Variants in ZNF236 observed in about 807,000 individuals in gnomAD.
ZNF236 encodes the protein regulated by glucose.
ZNF236 carries 50 observed loss-of-function variants against 191.2 expected under a neutral mutation model. That is an observed-to-expected ratio of 0.26 (90% CI 0.21 to 0.33). The LOEUF (loss-of-function observed/expected upper bound fraction) is 0.33. Ranked by LOEUF, ZNF236 falls within the 10% of genes least tolerant of loss-of-function variation. The pLI, the probability that ZNF236 is intolerant of heterozygous loss-of-function variation, is 1.00. For synonymous variants in ZNF236, 907 were observed against 928.8 expected, an observed-to-expected ratio of 0.98 and a Z score of 0.43; for missense variants, 1,754 against 2,374.5, an observed-to-expected ratio of 0.74 and a Z score of 5.43.
In ZNF236 at chr18:76,910,693, C is replaced by T; in HGVS notation, c.2687C>T (p.Pro896Leu). The stretch of plus-strand genomic sequence containing the variant: ...GTGACTGATACGTACCATCAGCAGC[C>T]TCAGTTTCCACCTGTCCAACAGCTA... ...FTVTDTYHQQ[P>L]QFPPVQQLQD... The change falls in exon 16 of 31, where the codon CCT becomes CTT. Residue 896 changes from proline (P) to leucine (L), a missense_variant. Transcript: ENST00000320610. 6.2e-7 allele frequency: 1 copy of T among 1,614,160 alleles called. No individual in the cohort carries two copies. The highest frequency in any genetic ancestry group is 8.5e-7 in the Non-Finnish European group (1 of 1,180,028).
At chr18:76,873,768 A>G (rs184345226) in intron 5 of ZNF236, among the ~76,000 whole-genome samples, 30 of 152,220 alleles carry the variant, frequency 2.0e-4, no homozygotes, top group Admixed American at 1.9e-3. Flanking sequence ...TGACTGGGCC[A>G]CACTCTCGCC....
At chr18:76,945,647 C>T (rs11875125) in intron 26 of ZNF236, among the ~76,000 whole-genome samples, 28,431 of 152,118 alleles carry the variant, frequency 0.19, 4,457 homozygotes, top group African/African-American at 0.42. Flanking sequence ...ATTAGCCACA[C>T]GTGGCGCATG....
At chr18:76,900,620 C>T (rs1177712779) in intron 11 of ZNF236, among the ~76,000 whole-genome samples, 1 of 152,012 alleles carries the variant, frequency 6.6e-6, no homozygotes, top group Non-Finnish European at 1.5e-5. Flanking sequence ...AAGAAGGACT[C>T]GAAACAGATA....
intron 26 of ZNF236, among the ~76,000 whole-genome samples, chr18:76,946,841 G>GT (rs1599418112): frequency 1.3e-5 from 2 of 152,096 alleles, no homozygotes; most frequent in East Asian, 3.9e-4. Flanking sequence ...GCAAATAAGT[G>GT]TTTTTTAAAT....
intron 11 of ZNF236, among the ~76,000 whole-genome samples, chr18:76,903,705 C>A (rs1228603438): frequency 6.6e-6 from 1 of 152,052 alleles, no homozygotes; most frequent in Non-Finnish European, 1.5e-5. Context: ...CAAGCTTGTC[C>A]TGAATTCCTG....
chr18:76,852,604 A>G (rs1975910083), intron 3 of ZNF236, among the ~76,000 whole-genome samples: 1 of 152,058 alleles, frequency 6.6e-6, no homozygotes, highest in African/African-American at 2.4e-5. Context: ...GTTTGAAACC[A>G]GCCTGGACAA....
At position 76,875,721 on chromosome 18, in the gene ZNF236, G is replaced by A. The variant is rs1976693594; in HGVS notation, c.840+57G>A. 1 of 1,351,002 alleles carries A rather than the reference G, an allele frequency of 7.4e-7. No individual in the cohort carries two copies. The highest frequency in any genetic ancestry group is 2.9e-5 in the Admixed American group (1 of 34,752). The allele number at this position is 1,351,002 out of a possible 1,614,324, so 83.7% of individuals were successfully genotyped here. A position where few individuals can be genotyped will look rare whatever the true frequency, so the allele number is the denominator to read the frequency against. ...TCACAGGGGACAGTAGGTATCTTTT[G>A]GGTTAATAAACGGACCTGAGAAATT... On this transcript the variant is annotated intron_variant, in intron 6 of 30. Coordinates refer to ENST00000320610, the MANE Select transcript of ZNF236 (RefSeq NM_001306089.2). The surrounding 1 kb of genome is among the most constrained non-coding windows in gnomAD (Gnocchi z 4.3).
intron 1 of ZNF236, among the ~76,000 whole-genome samples, chr18:76,835,630 CTATAG>C (rs1380507413): frequency 6.6e-6 from 1 of 152,010 alleles, no homozygotes. Flanking sequence ...GGTTAGTGTT[CTATAG>C]TATTTATTTC....
chr18:76,899,039 C>T lies in ZNF236; in HGVS notation c.1711C>T (p.Pro571Ser). The T allele has an allele frequency of 6.2e-7, 1 of 1,614,048 alleles. No individual in the cohort carries two copies. The highest frequency in any genetic ancestry group is 8.5e-7 in the Non-Finnish European group (1 of 1,179,956). ...LHTGVRPFAC[P>S]HCDKKFRTSG... Reference sequence around the variant, plus strand: ...ATTAGGAGTTAGACCTTTTGCTTGTCCTCACTGTGACAAAAAATTTCGAAC... The same window carrying T: ...ATTAGGAGTTAGACCTTTTGCTTGTTCTCACTGTGACAAAAAATTTCGAAC... The change falls in exon 11 of 31, where the codon CCT (proline) becomes TCT (serine). Residue 571 changes from proline (P) to serine (S), a missense_variant. Transcript: ENST00000320610.
At chr18:76,950,831 A>T (rs1252714185) in intron 27 of ZNF236, among the ~76,000 whole-genome samples, 2 of 152,330 alleles carry the variant, frequency 1.3e-5, no homozygotes, top group East Asian at 3.9e-4. Flanking sequence ...CAGCCTTATG[A>T]GATGTATTTC....
intron 3 of ZNF236, among the ~76,000 whole-genome samples, chr18:76,856,276 G>T (rs1220319278): frequency 2.0e-5 from 3 of 151,756 alleles, no homozygotes; most frequent in Non-Finnish European, 4.4e-5. Flanking sequence ...TCTGCCTCCC[G>T]AGTTCAAGCG....
rs752363063 is a variant in ZNF236 at position 76,899,124 on chromosome 18, T to C, written c.1796T>C (p.Met599Thr). The C allele has an allele frequency of 3.3e-5, 53 of 1,614,010 alleles. No homozygotes were observed. Among genetic ancestry groups the C allele is most frequent in the Non-Finnish European group, 4.2e-5 (49 of 1,180,018 alleles). Residue 599 changes from methionine (M) to threonine (T), a missense_variant, in exon 11 of 31, where the codon ATG (methionine) becomes ACG (threonine). Physicochemically the swap from Met to Thr is moderately conservative, Grantham distance 81. This residue lies in a region of ZNF236 where 641 missense variants were observed against 869.6 expected (regional missense o/e 0.74). Transcript: ENST00000320610. ...TTTAAACATACGGAATTAAGGAAAA[T>C]GAGGCACCAGCGTAAACCTGCAAAG... ...SHFKHTELRKMRHQRKPAKVR... is the reference protein window; with the variant it reads ...SHFKHTELRKTRHQRKPAKVR...
At chr18:76,946,189 G>C (rs992949567) in intron 26 of ZNF236, among the ~76,000 whole-genome samples, 3 of 152,158 alleles carry the variant, frequency 2.0e-5, no homozygotes, top group Non-Finnish European at 4.4e-5. Context: ...TTCCCTTGCT[G>C]TTCTCATGAT....
chr18:76,886,479 G>T (rs1158470415), intron 9 of ZNF236: 1 of 182,130 alleles, frequency 5.5e-6, no homozygotes, highest in South Asian at 1.1e-4. Flanking sequence ...CAGAGCACTA[G>T]CCATTGAACC....
At chr18:76,918,344 A>G (rs535788852) in intron 19 of ZNF236, among the ~76,000 whole-genome samples, 8 of 152,348 alleles carry the variant, frequency 5.3e-5, no homozygotes, top group Admixed American at 6.5e-5. Flanking sequence ...TAGTATCTGC[A>G]TGTAACCTAC....
At chr18:76,963,749 C>T (rs1433923700) in intron 30 of ZNF236, among the ~76,000 whole-genome samples, 1 of 152,120 alleles carries the variant, frequency 6.6e-6, no homozygotes, top group East Asian at 1.9e-4. Flanking sequence ...TTCAATCTTG[C>T]TGCTTGTTAT....
chr18:76,951,373 A>T (rs1284403970), intron 27 of ZNF236, among the ~76,000 whole-genome samples: 2 of 152,330 alleles, frequency 1.3e-5, no homozygotes, highest in African/African-American at 4.8e-5. Flanking sequence ...GATGTTCTGG[A>T]GAACTTGCTG....
In ZNF236 at chr18:76,927,966, T is replaced by C. The variant is rs754802929; in HGVS notation, c.4454T>C (p.Leu1485Pro). 5.0e-6 allele frequency: 8 copies of C among 1,613,396 alleles called. No homozygotes were observed. The East Asian group carries it at 6.7e-5, about 14-fold the overall frequency. The change falls in exon 25 of 31, where the codon CTA becomes CCA. Residue 1485 changes from leucine to proline, a missense_variant. Physicochemically the swap from Leu to Pro is moderately conservative, Grantham distance 98 (BLOSUM62 -3). Transcript: ENST00000320610. The surrounding 1 kb of genome is among the most constrained non-coding windows in gnomAD (Gnocchi z 5.4). ...DLTQVMTSQG[L>P]VSPSGGPHEI... ...ACTCAAGTGATGACTTCGCAAGGTCTAGTGTCCCCCTCCGGCGGTCCCCAC... is the reference window on the plus strand; with the variant it reads ...ACTCAAGTGATGACTTCGCAAGGTCCAGTGTCCCCCTCCGGCGGTCCCCAC...
chr18:76,923,549 A>G (rs1286794027), intron 21 of ZNF236, among the ~76,000 whole-genome samples: 2 of 152,236 alleles, frequency 1.3e-5, no homozygotes, highest in Non-Finnish European at 2.9e-5. Flanking sequence ...TCATTTCATA[A>G]TTATTTTTAT....
Sources: gnomAD v4.1 joint callset for allele counts (sites outside exome capture counted in the v4.1 genomes callset) on GRCh38, gnomAD v4.1.1 for gene constraint, gnomAD v4.1.1 regional missense constraint, Gnocchi (gnomAD v3.1) non-coding constraint, MANE v1.5 for transcripts, NCBI Gene and HGNC (gene_info 2026-07-23, HGNC 2026-07-21) for gene names.